Variants in ZNF438 observed in about 807,000 individuals in gnomAD.
The protein encoded by ZNF438 is zinc finger protein 438.
Under a neutral mutation model 38.0 loss-of-function variants are expected in ZNF438, and 25 were observed. The ratio of observed to expected loss-of-function variants is 0.66; its 90% CI spans 0.48 to 0.92. ZNF438 has a LOEUF of 0.92. ZNF438 is among the 40% of genes least tolerant of loss of function. The pLI is 0.00. For synonymous variants in ZNF438, 372 were observed against 364.1 expected (o/e 1.02, Z -0.25); for missense variants, 1,007 against 999.6 (o/e 1.01, Z -0.10).
chr10:30,849,069 T>G, exon 5 of ZNF438: 1 of 1,614,090 alleles, frequency 6.2e-7, no homozygotes, highest in Non-Finnish European at 8.5e-7. Flanking sequence ...GAGGCCAAAG[T>G]GGGTATGACC....
chr10:30,896,589 G>A (rs1295308564), intron 3 of ZNF438, among the ~76,000 whole-genome samples: 1 of 152,102 alleles, frequency 6.6e-6, no homozygotes, highest in Non-Finnish European at 1.5e-5. Context: ...ATATATATCA[G>A]GTATCTAGAG....
chr10:30,889,760 G>A (rs1230191051), intron 3 of ZNF438, among the ~76,000 whole-genome samples: 1 of 152,128 alleles, frequency 6.6e-6, no homozygotes. Context: ...TTAATTTTCA[G>A]GATCATGTTC....
exon 5 of ZNF438, chr10:30,849,268 T>G: frequency 2.5e-6 from 4 of 1,614,270 alleles, no homozygotes; most frequent in Non-Finnish European, 3.4e-6. Context: ...TTCTCTTTGC[T>G]GCTCCACTGT....
intron 2 of ZNF438, among the ~76,000 whole-genome samples, chr10:30,917,503 G>A (rs1255127919): frequency 2.0e-5 from 3 of 152,112 alleles, no homozygotes; most frequent in African/African-American, 7.2e-5. Context: ...ATTTTAGACA[G>A]TATGGTGGGT....
chr10:30,983,910 T>G (rs922511643), intron 1 of ZNF438, among the ~76,000 whole-genome samples: 4 of 152,164 alleles, frequency 2.6e-5, no homozygotes, highest in Admixed American at 6.5e-5. Flanking sequence ...TTAAACATCT[T>G]ACATAACCAC....
chr10:30,918,357 T>C (rs1463204329), intron 2 of ZNF438, among the ~76,000 whole-genome samples: 1 of 152,176 alleles, frequency 6.6e-6, no homozygotes, highest in Non-Finnish European at 1.5e-5. Flanking sequence ...CAGATCAATT[T>C]TGAGGGAAAT....
At chr10:30,851,765 C>T (rs1232101329) in intron 4 of ZNF438, among the ~76,000 whole-genome samples, 1 of 152,142 alleles carries the variant, frequency 6.6e-6, no homozygotes, top group African/African-American at 2.4e-5. Flanking sequence ...CTTCTGTTTT[C>T]AGAGTTTTTT....
intron 3 of ZNF438, among the ~76,000 whole-genome samples, chr10:30,895,071 C>T (rs915829224): frequency 3.3e-5 from 5 of 152,162 alleles, no homozygotes; most frequent in East Asian, 1.9e-4. Flanking sequence ...AAAATCAGAA[C>T]GCAGAAGGCC....
intron 3 of ZNF438, among the ~76,000 whole-genome samples, chr10:30,894,225 G>C (rs2041054713): frequency 6.6e-6 from 1 of 152,284 alleles, no homozygotes; most frequent in Admixed American, 6.5e-5. Context: ...AAACCCAAAA[G>C]AAAATAAAAA....
At chr10:30,855,008 A>C (rs2034370127) in intron 4 of ZNF438, among the ~76,000 whole-genome samples, 2 of 152,244 alleles carry the variant, frequency 1.3e-5, no homozygotes, top group Non-Finnish European at 2.9e-5. Context: ...ACCTTCTGAC[A>C]GTTAAGGTTT....
chr10:30,895,898 T>C (rs987363750), intron 3 of ZNF438, among the ~76,000 whole-genome samples: 3 of 152,146 alleles, frequency 2.0e-5, no homozygotes, highest in Non-Finnish European at 4.4e-5. Flanking sequence ...TTATTTACCA[T>C]TGGAAATGTA....
chr10:30,898,963 A>C (rs549787508), intron 3 of ZNF438, among the ~76,000 whole-genome samples: 3 of 152,200 alleles, frequency 2.0e-5, no homozygotes, highest in Non-Finnish European at 4.4e-5. Context: ...GGATCTTCAA[A>C]ATCATCACAA....
chr10:30,872,425 C>CAAAAAAAA lies in ZNF438; in HGVS notation c.37+4565_37+4572dup, dbSNP rs566401687. On this transcript the variant is annotated intron_variant, in intron 4 of 5. Transcript: ENST00000413025. ...TGGGTGACAGAACAAGACTCTGTCT[C>CAAAAAAAA]AAAAAAAAAAAAAAAAAAAAAAAAA... Among the ~76,000 whole-genome samples, 28 of 58,688 alleles carry CAAAAAAAA rather than the reference C, an allele frequency of 4.8e-4. 2 individuals are homozygous for CAAAAAAAA. The East Asian group carries it at 6.3e-3, about 13-fold the overall frequency. The allele number at this position is 58,688 out of a possible 152,430, so 38.5% of individuals were successfully genotyped here.
At chr10:30,897,750 A>G (rs375029984) in intron 3 of ZNF438, among the ~76,000 whole-genome samples, 106 of 152,300 alleles carry the variant, frequency 7.0e-4, no homozygotes, top group African/African-American at 2.3e-3. Context: ...TGTACTCACA[A>G]CACTGACAGT....
At chr10:30,866,158 T>C (rs188078276) in intron 4 of ZNF438, among the ~76,000 whole-genome samples, 47 of 152,300 alleles carry the variant, frequency 3.1e-4, no homozygotes, top group African/African-American at 1.0e-3. Context: ...CATGCCTTTT[T>C]AATATTCTGT....
At chr10:30,918,225 C>G (rs76475404) in intron 2 of ZNF438, among the ~76,000 whole-genome samples, 12,656 of 152,128 alleles carry the variant, frequency 0.083, 604 homozygotes, top group Non-Finnish European at 0.11. Context: ...AAGTCTTCCA[C>G]CTATGTTTTT....
chr10:31,020,013 TC>T (rs1247105711), intron 1 of ZNF438, among the ~76,000 whole-genome samples: 2 of 152,174 alleles, frequency 1.3e-5, no homozygotes, highest in African/African-American at 4.8e-5. Context: ...ACTCTTTTTT[TC>T]CATTTTACTA....
intron 1 of ZNF438, among the ~76,000 whole-genome samples, chr10:31,012,162 G>A (rs368145741): frequency 4.2e-5 from 6 of 144,084 alleles, no homozygotes; most frequent in South Asian, 2.2e-4. Context: ...TCGCTCTGTC[G>A]CCCAGGCTGG....
chr10:30,936,417 T>G (rs562643575), intron 2 of ZNF438, among the ~76,000 whole-genome samples: 2 of 152,364 alleles, frequency 1.3e-5, no homozygotes, highest in East Asian at 3.9e-4. Context: ...CTAATGCCTG[T>G]AATCCCAGCA....
Sources: gnomAD v4.1 joint callset for allele counts (sites outside exome capture counted in the v4.1 genomes callset) on GRCh38, gnomAD v4.1.1 for gene constraint, MANE v1.5 for transcripts, NCBI Gene and HGNC (gene_info 2026-07-23, HGNC 2026-07-21) for gene names.